KCNMA1: variants seen among roughly 807,000 people sequenced by gnomAD.
The protein encoded by KCNMA1 is potassium calcium-activated channel subfamily M alpha 1.
Under a neutral mutation model 140.0 loss-of-function variants are expected in KCNMA1, and 29 were observed. That is an observed-to-expected ratio of 0.21 (90% CI 0.15 to 0.28). The LOEUF (loss-of-function observed/expected upper bound fraction) is 0.28. KCNMA1 is among the 10% of genes least tolerant of loss of function. The pLI, the probability that KCNMA1 is intolerant of heterozygous loss-of-function variation, is 1.00. For synonymous variants in KCNMA1, 612 were observed against 611.9 expected (o/e 1.00, Z 0.00); for missense variants, 880 against 1,602.2 (o/e 0.55, Z 7.70).
intron 18 of KCNMA1, among the ~76,000 whole-genome samples, chr10:77,005,743 C>A (rs1397121412): frequency 6.6e-6 from 1 of 152,178 alleles, no homozygotes; most frequent in African/African-American, 2.4e-5. Flanking sequence ...TTTTCTTCAC[C>A]ACAGTGAAGT....
At chr10:77,035,489 G>A (rs879769139) in intron 15 of KCNMA1, among the ~76,000 whole-genome samples, 7 of 152,120 alleles carry the variant, frequency 4.6e-5, no homozygotes, top group African/African-American at 1.7e-4. Context: ...AGCCACCCTA[G>A]GGAAACTGAA....
intron 19 of KCNMA1, among the ~76,000 whole-genome samples, chr10:76,992,948 T>C (rs1345093689): frequency 6.6e-6 from 1 of 152,048 alleles, no homozygotes; most frequent in Non-Finnish European, 1.5e-5. Flanking sequence ...TTTATTATTT[T>C]CCCCCCATCG....
At chr10:77,008,118 G>C (rs986672740) in intron 18 of KCNMA1, 35 of 1,431,962 alleles carry the variant, frequency 2.4e-5, no homozygotes, top group Non-Finnish European at 3.3e-5. Context: ...AAAATTAAAA[G>C]AGTATCTCTT....
rs143757203 is a variant in KCNMA1 at position 77,564,637 on chromosome 10, C to T, written c.378+72628G>A. ...AGGTGATTTCATGCATGCCCCTTCC[C>T]AAGACCAAGCGCTCTTTGAGGGCAG... is the stretch of plus-strand genomic sequence containing the variant. On this transcript the variant is annotated intron_variant, in intron 1 of 27. Coordinates refer to ENST00000286628, the MANE Select transcript of KCNMA1 (RefSeq NM_001161352.2). 9.2e-5 allele frequency among the ~76,000 whole-genome samples: 14 copies of T among 152,256 alleles called. No individual in the cohort carries two copies. The East Asian group carries it at 2.7e-3, about 29-fold the overall frequency.
At chr10:77,586,268 A>G (rs1002995877) in intron 1 of KCNMA1, 4 of 151,644 alleles carry the variant, frequency 2.6e-5, no homozygotes, top group African/African-American at 7.3e-5. Flanking sequence ...TCCCACCCAC[A>G]CTCTTGGTTC....
At chr10:77,043,828 AG>A (rs2094879108) in intron 14 of KCNMA1, among the ~76,000 whole-genome samples, 1 of 152,174 alleles carries the variant, frequency 6.6e-6, no homozygotes, top group Admixed American at 6.5e-5. Context: ...GGTGGCTGCC[AG>A]GGGTTGCAGG....
intron 3 of KCNMA1, among the ~76,000 whole-genome samples, chr10:77,231,909 A>G (rs1241392665): frequency 1.3e-5 from 2 of 152,224 alleles, no homozygotes; most frequent in Non-Finnish European, 2.9e-5. Context: ...CATCACCTCA[A>G]AAAGAAGCCC....
chr10:77,517,696 C>G (rs969234928), intron 1 of KCNMA1, among the ~76,000 whole-genome samples: 24 of 152,272 alleles, frequency 1.6e-4, no homozygotes, highest in African/African-American at 5.5e-4. Context: ...GTCACATCTC[C>G]TCCCACCGTC....
chr10:77,270,457 T>G (rs2064720707), intron 2 of KCNMA1, among the ~76,000 whole-genome samples: 1 of 151,774 alleles, frequency 6.6e-6, no homozygotes, highest in African/African-American at 2.4e-5. Flanking sequence ...CGTTATTTCC[T>G]CTTTGTTCAA....
chr10:76,883,353 G>T (rs984521834), downstream of KCNMA1, among the ~76,000 whole-genome samples: 2 of 152,160 alleles, frequency 1.3e-5, no homozygotes, highest in Non-Finnish European at 2.9e-5. Flanking sequence ...TAAGGTTCTG[G>T]GTCATAATCT....
intron 14 of KCNMA1, among the ~76,000 whole-genome samples, chr10:77,064,473 G>A (rs2095861222): frequency 1.3e-5 from 2 of 152,144 alleles, no homozygotes; most frequent in Non-Finnish European, 2.9e-5. Flanking sequence ...ATGCTGTATG[G>A]GCTTCTTTTT....
At position 77,119,328 on chromosome 10, in the gene KCNMA1, C is replaced by G. The variant is rs950918813; in HGVS notation, c.884+1645G>C. 3.3e-5 allele frequency among the ~76,000 whole-genome samples: 5 copies of G among 152,300 alleles called. No homozygotes were observed. The East Asian group carries it at 5.8e-4, about 18-fold the overall frequency. Reference sequence around the variant, plus strand: ...ATTCCTCAGAGCAATGGAACCTTCTCAAAATGCTGGCATCAGAGAATAAAA... The same window carrying G: ...ATTCCTCAGAGCAATGGAACCTTCTGAAAATGCTGGCATCAGAGAATAAAA... On this transcript the variant is annotated intron_variant, in intron 6 of 27. Transcript: ENST00000286628.
At chr10:77,152,317 G>C (rs1173854720) in intron 5 of KCNMA1, among the ~76,000 whole-genome samples, 2 of 103,934 alleles carry the variant, frequency 1.9e-5, no homozygotes, top group African/African-American at 7.4e-5. Context: ...TGTTGTTGCT[G>C]TTGTCATTAT....
At position 77,365,851 on chromosome 10, in the gene KCNMA1, C is replaced by G. The variant is rs573987571; in HGVS notation, c.540+38011G>C. ...GCCCTACTTAGAAACCATCTTCCTC[C>G]TTGATCCTTCACTAACAAGTTCTAT... On this transcript the variant is annotated intron_variant, in intron 2 of 27. Transcript: ENST00000286628. 4.6e-5 allele frequency among the ~76,000 whole-genome samples: 7 copies of G among 152,286 alleles called. No homozygotes were observed. The East Asian group carries it at 1.4e-3, about 29-fold the overall frequency.
chr10:77,558,740 G>C (rs1164628636), intron 1 of KCNMA1, among the ~76,000 whole-genome samples: 1 of 152,138 alleles, frequency 6.6e-6, no homozygotes, highest in African/African-American at 2.4e-5. Flanking sequence ...CTACACAGCA[G>C]TCCTGGAATT....
intron 9 of KCNMA1, among the ~76,000 whole-genome samples, chr10:77,099,985 C>T (rs560654404): frequency 6.6e-6 from 1 of 152,260 alleles, no homozygotes; most frequent in African/African-American, 2.4e-5. Context: ...GGAGGCTTCC[C>T]TCTAATGTCT....
intron 3 of KCNMA1, among the ~76,000 whole-genome samples, chr10:77,191,119 T>A (rs2098934926): frequency 1.3e-5 from 2 of 152,198 alleles, no homozygotes; most frequent in Admixed American, 1.3e-4. Flanking sequence ...CCTGGCTACC[T>A]CTGGATATCC....
rs189273952 is a variant in KCNMA1 at position 77,150,367 on chromosome 10, C to T, written c.809-29319G>A. 9.8e-4 allele frequency among the ~76,000 whole-genome samples: 149 copies of T among 152,220 alleles called. 4 individuals are homozygous for T. In the South Asian group the frequency reaches 0.03, roughly 31 times the overall value. Reference sequence around the variant, plus strand: ...ATGAGGGGCCAACAGAAGAAATAAACAGGCATAAATTTCAAACCCAGGAAA... The same window carrying T: ...ATGAGGGGCCAACAGAAGAAATAAATAGGCATAAATTTCAAACCCAGGAAA... On this transcript the variant is annotated intron_variant, in intron 5 of 27. Coordinates refer to ENST00000286628, the MANE Select transcript of KCNMA1 (RefSeq NM_001161352.2).
chr10:77,508,560 TTTTTCTTTTTTTTTTC>T (rs2047034152), intron 1 of KCNMA1, among the ~76,000 whole-genome samples: 1 of 138,538 alleles, frequency 7.2e-6, no homozygotes, highest in Admixed American at 7.8e-5. Flanking sequence ...CCACTTTTCC[TTTTTCTTTTTTTTTTC>T]TTTTCTTTTT....
Sources: allele counts gnomAD v4.1 joint callset (sites outside exome capture counted in the v4.1 genomes callset), GRCh38; gene constraint gnomAD v4.1.1; transcripts MANE v1.5; gene names NCBI Gene and HGNC (gene_info 2026-07-23, HGNC 2026-07-21).